The following SLC25A37 variants were observed in gnomAD, a reference collection of about 807,000 sequenced individuals.
SLC25A37 encodes the protein mitoferrin-1.
SLC25A37 carries 17 observed loss-of-function variants against 31.0 expected under a neutral mutation model. That is an observed-to-expected ratio of 0.55 (90% confidence interval 0.38 to 0.82). SLC25A37 has a LOEUF of 0.82. Ranked by LOEUF, SLC25A37 falls within the 40% of genes least tolerant of loss-of-function variation. SLC25A37 has a pLI of 0.00. For synonymous variants in SLC25A37, 222 were observed against 193.0 expected, an observed-to-expected ratio of 1.15 and a Z score of -1.24; for missense variants, 404 against 465.8, an observed-to-expected ratio of 0.87 and a Z score of 1.22.
At chr8:23,559,860 C>T (rs1585196620) in intron 1 of SLC25A37, among the ~76,000 whole-genome samples, 2 of 152,150 alleles carry the variant, frequency 1.3e-5, no homozygotes, top group East Asian at 3.8e-4. Context: ...GAATAATATT[C>T]CACTGTATGG....
intron 1 of SLC25A37, among the ~76,000 whole-genome samples, chr8:23,551,500 C>T (rs1802224015): frequency 6.6e-6 from 1 of 151,774 alleles, no homozygotes; most frequent in African/African-American, 2.4e-5. Context: ...GCAGATCCTG[C>T]TGCTAGGCAG....
intron 1 of SLC25A37, among the ~76,000 whole-genome samples, chr8:23,559,352 TGCGTGTGTGTGCGCGCGC>T (rs938024354): frequency 2.5e-4 from 38 of 151,486 alleles, no homozygotes; most frequent in African/African-American, 4.6e-4. Flanking sequence ...TGTGTGTGTG[TGCGTGTGTGTGCGCGCGC>T]GCGTGTGTGT....
At chr8:23,540,799 G>GTAA (rs1398274602) in intron 1 of SLC25A37, among the ~76,000 whole-genome samples, 2 of 152,180 alleles carry the variant, frequency 1.3e-5, no homozygotes, top group Non-Finnish European at 2.9e-5. Context: ...ATAAGGAGGG[G>GTAA]TAACGGTGCC....
At chr8:23,566,801 T>G in intron 2 of SLC25A37, 1 of 986,924 alleles carries the variant, frequency 1.0e-6, no homozygotes, top group South Asian at 4.7e-5. Flanking sequence ...AAGATCTAAC[T>G]AAGCTTTAAA....
intron 1 of SLC25A37, among the ~76,000 whole-genome samples, chr8:23,553,445 A>T (rs1253748354): frequency 6.6e-6 from 1 of 151,892 alleles, no homozygotes; most frequent in African/African-American, 2.4e-5. Context: ...CAAAAAACAA[A>T]AAAAAAACCA....
intron 1 of SLC25A37, among the ~76,000 whole-genome samples, chr8:23,547,376 A>C (rs1011735079): frequency 3.9e-5 from 6 of 152,224 alleles, no homozygotes; most frequent in Non-Finnish European, 8.8e-5. Flanking sequence ...TTGGATTTGC[A>C]TTTTAGGGTG....
intron 1 of SLC25A37, among the ~76,000 whole-genome samples, chr8:23,557,660 G>C (rs1258857871): frequency 6.6e-6 from 1 of 152,182 alleles, no homozygotes; most frequent in African/African-American, 2.4e-5. Flanking sequence ...TAGAGCTCTG[G>C]ATGGGCTCAT....
chr8:23,559,372 C>CGT (rs796480377), intron 1 of SLC25A37, among the ~76,000 whole-genome samples: 1 of 129,848 alleles, frequency 7.7e-6, no homozygotes, highest in Non-Finnish European at 1.7e-5. Flanking sequence ...TGCGCGCGCG[C>CGT]GTGTGTGTGT....
intron 1 of SLC25A37, among the ~76,000 whole-genome samples, chr8:23,546,533 A>ATATATATATATATATATATAGTG (rs1418303554): frequency 3.7e-4 from 6 of 16,130 alleles, no homozygotes; most frequent in Non-Finnish European, 6.3e-4. Flanking sequence ...ATATAGGTGT[A>ATATATATATATATATATATAGTG]TATATATATA....
intron 1 of SLC25A37, among the ~76,000 whole-genome samples, chr8:23,558,660 G>A (rs947354183): frequency 2.0e-5 from 3 of 152,220 alleles, no homozygotes; most frequent in Admixed American, 1.3e-4. Flanking sequence ...GACAGTGGAT[G>A]CAGATACAGA....
Position 23,573,909 on chromosome 8 carries a change from T to C in SLC25A37, c.*2054T>C, listed in dbSNP as rs1326065267. The C allele has an allele frequency of 2.2e-6, 1 of 453,962 alleles. No homozygotes were observed. The highest frequency in any genetic ancestry group is 4.4e-6 in the Non-Finnish European group (1 of 224,726). The allele number at this position is 453,962 out of a possible 1,614,324, so 28.1% of individuals were successfully genotyped here. On this transcript the variant is annotated 3_prime_UTR_variant, in exon 4 of 4. Coordinates refer to ENST00000519973, the MANE Select transcript of SLC25A37 (RefSeq NM_016612.4). ...AGTCCACGCTACTGTTGAAAATGTTTACATCTCCGCTCTCAACCTGCCTTG... is the reference window on the plus strand; with the variant it reads ...AGTCCACGCTACTGTTGAAAATGTTCACATCTCCGCTCTCAACCTGCCTTG...
chr8:23,533,970 C>T (rs992285291), intron 1 of SLC25A37, among the ~76,000 whole-genome samples: 1 of 151,434 alleles, frequency 6.6e-6, no homozygotes, highest in Admixed American at 6.6e-5. Context: ...TTTTTTGAGA[C>T]AGGGTCTCGG....
chr8:23,535,669 C>T lies in SLC25A37; in HGVS notation c.210+6457C>T, dbSNP rs950162257. Among the ~76,000 whole-genome samples, 12 of 152,262 alleles carry T rather than the reference C, an allele frequency of 7.9e-5. No individual in the cohort carries two copies. The South Asian group carries it at 1.0e-3, about 13-fold the overall frequency. ...GCTGATAAAGACATACCTGAGACTGCGTAATTTATACAGAAAGAGGTTTAA... is the reference window on the plus strand; with the variant it reads ...GCTGATAAAGACATACCTGAGACTGTGTAATTTATACAGAAAGAGGTTTAA... On this transcript the variant is annotated intron_variant, in intron 1 of 3. Transcript: ENST00000519973.
In SLC25A37 at chr8:23,573,125, C is replaced by T. The variant is rs1802905029; in HGVS notation, c.*1270C>T. 6.6e-6 allele frequency: 1 copy of T among 152,318 alleles called. No homozygotes were observed. Among genetic ancestry groups the T allele is most frequent in the Admixed American group, 6.5e-5 (1 of 15,284 alleles). 9.4% of individuals were successfully genotyped at this position (152,318 alleles called of 1,614,324 possible). A position where few individuals can be genotyped will look rare whatever the true frequency, so the allele number is the denominator to read the frequency against. On this transcript the variant is annotated 3_prime_UTR_variant, in exon 4 of 4. Transcript: ENST00000519973. ...TTAATTCTCATGTCACAGCTTCTCA[C>T]TGCATGTGACAAGAGCCAGGCCTAT...
At chr8:23,545,220 T>C (rs914009478) in intron 1 of SLC25A37, among the ~76,000 whole-genome samples, 1 of 152,224 alleles carries the variant, frequency 6.6e-6, no homozygotes, top group Admixed American at 6.5e-5. Context: ...TGGGATCTTG[T>C]AGTACCAGGG....
At position 23,572,792 on chromosome 8, in the gene SLC25A37, T is replaced by C. The variant is rs757788765; in HGVS notation, c.*937T>C. The C allele has an allele frequency of 2.0e-5, 3 of 152,110 alleles. No individual in the cohort carries two copies. The highest frequency in any genetic ancestry group is 4.4e-5 in the Non-Finnish European group (3 of 68,064). 9.4% of individuals were successfully genotyped at this position (152,110 alleles called of 1,614,324 possible). A position where few individuals can be genotyped will look rare whatever the true frequency, so the allele number is the denominator to read the frequency against. On this transcript the variant is annotated 3_prime_UTR_variant, in exon 4 of 4. Coordinates refer to ENST00000519973, the MANE Select transcript of SLC25A37 (RefSeq NM_016612.4). ...CCCGCTGGAGGGTGGTGGAGCCCAG[T>C]AGAATTGGGGTGACTGGGCATAAAC...
intron 1 of SLC25A37, among the ~76,000 whole-genome samples, chr8:23,562,959 G>A (rs565776760): frequency 6.6e-6 from 1 of 152,290 alleles, no homozygotes; most frequent in South Asian, 2.1e-4. Flanking sequence ...AAACTTGAGC[G>A]ATTTCATATG....
chr8:23,541,951 C>G (rs1190000523), intron 1 of SLC25A37: 1 of 152,280 alleles, frequency 6.6e-6, no homozygotes, highest in Non-Finnish European at 1.5e-5. Context: ...TCACCCGCCT[C>G]TGTGGTTCGT....
chr8:23,541,008 G>C (rs1356365519), intron 1 of SLC25A37, among the ~76,000 whole-genome samples: 1 of 152,182 alleles, frequency 6.6e-6, no homozygotes, highest in Admixed American at 6.5e-5. Flanking sequence ...CCAGCACTAG[G>C]ACTCAGTGCA....
Sources: gnomAD v4.1 joint callset for allele counts (sites outside exome capture counted in the v4.1 genomes callset) on GRCh38, gnomAD v4.1.1 for gene constraint, MANE v1.5 for transcripts, NCBI Gene and HGNC (gene_info 2026-07-23, HGNC 2026-07-21) for gene names.